SESTD1: variants seen among roughly 807,000 people sequenced by gnomAD.
The protein encoded by SESTD1 is SEC14 domain and spectrin repeat-containing protein 1.
A neutral mutation model predicts 101.7 loss-of-function variants in SESTD1; 43 were observed. The observed-to-expected ratio is 0.42, with a 90% confidence interval of 0.33 to 0.55. The LOEUF (loss-of-function observed/expected upper bound fraction) is 0.55. SESTD1 is among the 20% of genes least tolerant of loss of function. The pLI is 0.07. For missense variants in SESTD1, 647 were observed against 815.1 expected, an observed-to-expected ratio of 0.79 and a Z score of 2.51; for synonymous variants, 283 against 286.8, an observed-to-expected ratio of 0.99 and a Z score of 0.13.
intron 10 of SESTD1, among the ~76,000 whole-genome samples, chr2:179,126,275 C>T (rs550152347): frequency 1.3e-5 from 2 of 152,192 alleles, no homozygotes; most frequent in East Asian, 3.9e-4. Flanking sequence ...CAAAAAATTC[C>T]ATCTTGCCAC....
At chr2:179,152,312 C>A (rs1212742125) in intron 5 of SESTD1, among the ~76,000 whole-genome samples, 1 of 152,134 alleles carries the variant, frequency 6.6e-6, no homozygotes, top group Non-Finnish European at 1.5e-5. Context: ...GAAGAGAAGG[C>A]AAGCACCACA....
intron 1 of SESTD1, among the ~76,000 whole-genome samples, chr2:179,262,681 A>C (rs1574076529): frequency 1.3e-5 from 2 of 152,240 alleles, no homozygotes; most frequent in African/African-American, 4.8e-5. Flanking sequence ...ATTAATACCA[A>C]GTTCATTTTT....
intron 1 of SESTD1, among the ~76,000 whole-genome samples, chr2:179,192,775 A>G (rs2046336821): frequency 1.3e-5 from 2 of 152,222 alleles, no homozygotes; most frequent in Admixed American, 6.5e-5. Context: ...AACAACAACA[A>G]AAATGAACAA....
chr2:179,257,895 A>C (rs180986277), intron 1 of SESTD1, among the ~76,000 whole-genome samples: 1 of 152,294 alleles, frequency 6.6e-6, no homozygotes, highest in Admixed American at 6.5e-5. Context: ...AACCCCATAG[A>C]ATGATCAAAA....
Position 179,146,438 on chromosome 2 carries a change from G to C in SESTD1, c.601C>G (p.Leu201Val), listed in dbSNP as rs1263336188. 1 of 1,613,100 alleles carries C rather than the reference G, an allele frequency of 6.2e-7. No homozygotes were observed. The highest frequency in any genetic ancestry group is 8.5e-7 in the Non-Finnish European group (1 of 1,179,692). Residue 201 changes from leucine (L) to valine (V), a missense_variant, in exon 8 of 18, where the codon CTT becomes GTT. By Grantham distance (32) the Leu-to-Val change is conservative. Coordinates refer to ENST00000428443, the MANE Select transcript of SESTD1 (RefSeq NM_178123.5). ...EKERSVDLNF[L>V]PSVDPETVLQ... ...ACTGTTTCAGGATCAACCGATGGAA[G>C]AAAGTTTAAATCCACAGACCTGGAA...
intron 5 of SESTD1, among the ~76,000 whole-genome samples, chr2:179,161,522 G>A (rs1319453823): frequency 6.6e-6 from 1 of 152,024 alleles, no homozygotes; most frequent in Non-Finnish European, 1.5e-5. Context: ...TGTGCTGGGC[G>A]TGGTGGCACA....
intron 1 of SESTD1, among the ~76,000 whole-genome samples, chr2:179,196,949 C>G (rs113542039): frequency 1.3e-5 from 2 of 152,194 alleles, no homozygotes; most frequent in East Asian, 3.9e-4. Context: ...CGGAACAAAG[C>G]TGGACGGAGA....
At chr2:179,243,674 G>A (rs900486015) in intron 1 of SESTD1, among the ~76,000 whole-genome samples, 4 of 150,596 alleles carry the variant, frequency 2.7e-5, no homozygotes, top group South Asian at 2.1e-4. Flanking sequence ...ACCAAATACC[G>A]CATGTTCTCA....
intron 10 of SESTD1, among the ~76,000 whole-genome samples, chr2:179,128,583 G>A (rs1023196241): frequency 3.3e-5 from 5 of 152,002 alleles, no homozygotes; most frequent in African/African-American, 1.2e-4. Flanking sequence ...ACAAAAATTA[G>A]CTGGGTGTGG....
chr2:179,108,861 C>T lies in SESTD1; in HGVS notation c.*1038G>A, dbSNP rs1436298117. The T allele has an allele frequency of 6.6e-6, 1 of 151,958 alleles. No individual in the cohort carries two copies. Among genetic ancestry groups the T allele is most frequent in the Non-Finnish European group, 1.5e-5 (1 of 67,948 alleles). The allele number at this position is 151,958 out of a possible 1,614,324, so 9.4% of individuals were successfully genotyped here. On this transcript the variant is annotated 3_prime_UTR_variant, in exon 18 of 18. Transcript: ENST00000428443. ...ATACAGTTCTGTTATTGGACTACTT[C>T]AGAATTTATTTTGCTTTTAGACTAT...
chr2:179,121,030 G>A (rs1220965134), intron 13 of SESTD1, among the ~76,000 whole-genome samples: 1 of 152,184 alleles, frequency 6.6e-6, no homozygotes, highest in East Asian at 1.9e-4. Context: ...TAAACGGAGA[G>A]CTCTATCATC....
chr2:179,154,132 C>T (rs994387396), intron 5 of SESTD1, among the ~76,000 whole-genome samples: 1 of 150,126 alleles, frequency 6.7e-6, no homozygotes, highest in Non-Finnish European at 1.5e-5. Flanking sequence ...ACTTGGGAAG[C>T]TGAAGCAGAA....
chr2:179,122,719 A>G (rs2044781717), intron 12 of SESTD1, among the ~76,000 whole-genome samples: 1 of 152,030 alleles, frequency 6.6e-6, no homozygotes. Flanking sequence ...GCAAAACCCC[A>G]TGTCTACTAT....
chr2:179,146,101 CCAGATTCTCATAG>C (rs1461745829), intron 8 of SESTD1, among the ~76,000 whole-genome samples: 37 of 151,496 alleles, frequency 2.4e-4, no homozygotes, highest in African/African-American at 9.0e-4. Context: ...AGTGGCGGCA[CCAGATTCTCATAG>C]GAGCACAAAC....
chr2:179,160,900 A>C (rs2045723580), intron 5 of SESTD1, among the ~76,000 whole-genome samples: 1 of 152,030 alleles, frequency 6.6e-6, no homozygotes, highest in Non-Finnish European at 1.5e-5. Context: ...CAAAATACTA[A>C]ATTAAAGCAA....
intron 1 of SESTD1, among the ~76,000 whole-genome samples, chr2:179,237,134 T>C (rs949586975): frequency 6.6e-6 from 1 of 152,112 alleles, no homozygotes; most frequent in African/African-American, 2.4e-5. Flanking sequence ...TCTAATAATG[T>C]ACATTATTAC....
chr2:179,154,775 T>G (rs956781278), intron 5 of SESTD1, among the ~76,000 whole-genome samples: 1 of 152,234 alleles, frequency 6.6e-6, no homozygotes, highest in Non-Finnish European at 1.5e-5. Flanking sequence ...ATTAAAAAGC[T>G]GCATTTAATA....
chr2:179,239,507 T>G (rs961645760), intron 1 of SESTD1, among the ~76,000 whole-genome samples: 5 of 152,178 alleles, frequency 3.3e-5, no homozygotes, highest in Non-Finnish European at 5.9e-5. Context: ...TGGTATTCAC[T>G]TATATTTTAA....
At chr2:179,263,435 T>G (rs1005671030) in intron 1 of SESTD1, among the ~76,000 whole-genome samples, 1 of 152,096 alleles carries the variant, frequency 6.6e-6, no homozygotes, top group African/African-American at 2.4e-5. Context: ...AAAAAGTATA[T>G]AGATATATGT....
Sources: allele counts gnomAD v4.1 joint callset (sites outside exome capture counted in the v4.1 genomes callset), GRCh38; gene constraint gnomAD v4.1.1; transcripts MANE v1.5; gene names NCBI Gene and HGNC (gene_info 2026-07-23, HGNC 2026-07-21).